Variants in HAVCR2 observed in about 807,000 individuals in gnomAD.
The protein encoded by HAVCR2 is T cell immunoglobulin mucin 3.
A neutral mutation model predicts 24.7 loss-of-function variants in HAVCR2; 13 were observed. That is an observed-to-expected ratio of 0.53 (90% CI 0.34 to 0.84). HAVCR2 has a LOEUF of 0.84. HAVCR2 is among the 40% of genes least tolerant of loss of function. The pLI, the probability that HAVCR2 is intolerant of heterozygous loss-of-function variation, is 0.01. For missense variants in HAVCR2, 343 were observed against 371.2 expected (o/e 0.92, Z 0.62); for synonymous variants, 154 against 143.4 (o/e 1.07, Z -0.53).
chr5:157,094,975 G>A (rs1757072921), intron 5 of HAVCR2, among the ~76,000 whole-genome samples: 2 of 152,134 alleles, frequency 1.3e-5, no homozygotes, highest in Non-Finnish European at 2.9e-5. Flanking sequence ...TTTGATTTCC[G>A]GTTCTGCCAG....
chr5:157,099,990 C>T (rs976517806), intron 3 of HAVCR2, among the ~76,000 whole-genome samples: 3 of 152,218 alleles, frequency 2.0e-5, no homozygotes, highest in Admixed American at 6.6e-5. Flanking sequence ...GCCACCGTGC[C>T]GTGCCCAGCC....
chr5:157,102,661 G>A (rs1236279221), intron 3 of HAVCR2, among the ~76,000 whole-genome samples: 4 of 152,110 alleles, frequency 2.6e-5, no homozygotes, highest in East Asian at 1.9e-4. Flanking sequence ...AAGGCTGGGC[G>A]TGGTGGCTTA....
intron 3 of HAVCR2, among the ~76,000 whole-genome samples, chr5:157,104,199 A>C (rs2113694151): frequency 6.6e-6 from 1 of 152,320 alleles, no homozygotes; most frequent in African/African-American, 2.4e-5. Flanking sequence ...GCTGAATTAC[A>C]TGAAGAATTT....
chr5:157,087,134 G>A lies in HAVCR2; in HGVS notation c.874C>T (p.Gln292Ter). ...ATTGCAAAGCGACAACCCAAAGGTT[G>A]TGAGGGTTGCTGCCTGCTGCTGACA... ...CYVSSRQQPS[Q>*]PLGCRFAMP The change falls in exon 7 of 7, where the codon CAA becomes TAA. Residue 292 changes from glutamine to a stop codon, truncating the protein, a stop_gained. Transcript: ENST00000307851. LOFTEE classifies it low-confidence loss of function (END_TRUNC). 1 of 1,614,008 alleles carries A rather than the reference G, an allele frequency of 6.2e-7. No homozygotes were observed. Among genetic ancestry groups the A allele is most frequent in the Non-Finnish European group, 8.5e-7 (1 of 1,179,990 alleles).
chr5:157,093,093 A>G (rs113197050), intron 5 of HAVCR2, among the ~76,000 whole-genome samples: 9,455 of 125,650 alleles, frequency 0.075, 448 homozygotes, highest in Admixed American at 0.17. Flanking sequence ...ATATATATAT[A>G]TGTGTATACA....
chr5:157,098,747 A>C, intron 4 of HAVCR2, 111 bp downstream of exon 4: 1 of 911,250 alleles, frequency 1.1e-6, no homozygotes, highest in Non-Finnish European at 1.7e-6. Context: ...TCTGAAGCTA[A>C]GGGAACTTAA....
intron 2 of HAVCR2, chr5:157,104,991 C>T (rs573755750): frequency 2.9e-4 from 73 of 255,908 alleles, no homozygotes; most frequent in African/African-American, 1.6e-3. Flanking sequence ...CTAACAGCCA[C>T]ACAAATGGCC....
chr5:157,086,814 C>A lies in HAVCR2; in HGVS notation c.*288G>T. Reference sequence around the variant, plus strand: ...CCCGAATTTCCTGGAGCTCCAGAGACCCCACGTCAAGAATTCCTAGTGTAT... The same window carrying A: ...CCCGAATTTCCTGGAGCTCCAGAGAACCCACGTCAAGAATTCCTAGTGTAT... On this transcript the variant is annotated 3_prime_UTR_variant, in exon 7 of 7. Coordinates refer to ENST00000307851, the MANE Select transcript of HAVCR2 (RefSeq NM_032782.5). 6.3e-6 allele frequency: 2 copies of A among 315,924 alleles called. No individual in the cohort carries two copies. Among genetic ancestry groups the A allele is most frequent in the East Asian group, 1.4e-4 (2 of 14,702 alleles). The allele number at this position is 315,924 out of a possible 1,614,324, so 19.6% of individuals were successfully genotyped here.
In HAVCR2 at chr5:157,095,295, A is replaced by G. The variant is rs747792545; in HGVS notation, c.676+11T>C. 3.1e-6 allele frequency: 5 copies of G among 1,612,350 alleles called. No individual in the cohort carries two copies. The Admixed American group carries it at 5.0e-5, about 16-fold the overall frequency. ...TTGTTATCAGAGGGAGAGAGAAACA[A>G]AAACACTTACATTTGAAAATTAAAG... is the stretch of plus-strand genomic sequence containing the variant. On this transcript the variant is annotated intron_variant, in intron 5 of 6. Transcript: ENST00000307851.
At chr5:157,087,702 G>A (rs992325104) in intron 6 of HAVCR2, among the ~76,000 whole-genome samples, 8 of 151,760 alleles carry the variant, frequency 5.3e-5, no homozygotes, top group Admixed American at 2.0e-4. Flanking sequence ...TCAGGAGTTC[G>A]AGACCAGCCT....
At chr5:157,097,067 T>C (rs1455580435) in intron 4 of HAVCR2, among the ~76,000 whole-genome samples, 2 of 152,006 alleles carry the variant, frequency 1.3e-5, no homozygotes, top group African/African-American at 4.8e-5. Context: ...ACTCCTGCAA[T>C]AACAGGAGTC....
intron 3 of HAVCR2, among the ~76,000 whole-genome samples, chr5:157,104,085 G>C (rs1241229318): frequency 6.6e-6 from 1 of 152,142 alleles, no homozygotes; most frequent in African/African-American, 2.4e-5. Context: ...GAAGAGACCA[G>C]GACACTGACA....
rs767440273 is a variant in HAVCR2 at position 157,106,937 on chromosome 5, C to T, written c.84G>A (p.Ala28=). Residue 28 remains alanine, a synonymous_variant, in exon 2 of 7, where the codon GCG becomes GCA. Coordinates refer to ENST00000307851, the MANE Select transcript of HAVCR2 (RefSeq NM_032782.5). ...LTRSSEVEYR[A]EVGQNAYLPC... is the part of the protein sequence containing the mutation. ...GCAGATAGGCATTCTGACCGACCTC[C>T]GCTCTGTATTCCACTTCTGAGGACC... 30 of 1,613,868 alleles carry T rather than the reference C, an allele frequency of 1.9e-5. No homozygotes were observed. Among genetic ancestry groups the T allele is most frequent in the East Asian group, 8.9e-5 (4 of 44,886 alleles).
At chr5:157,094,489 T>C (rs991595058) in intron 5 of HAVCR2, among the ~76,000 whole-genome samples, 1 of 152,036 alleles carries the variant, frequency 6.6e-6, no homozygotes, top group African/African-American at 2.4e-5. Context: ...GTTTGAGTGA[T>C]TCCTCTGCCT....
chr5:157,097,917 G>A (rs1041800235), intron 4 of HAVCR2, among the ~76,000 whole-genome samples: 4 of 152,054 alleles, frequency 2.6e-5, no homozygotes, highest in African/African-American at 9.6e-5. Flanking sequence ...CTTTTATTCT[G>A]AGAAGGTAGC....
In HAVCR2 at chr5:157,086,845, A is replaced by G; in HGVS notation, c.*257T>C. The G allele has an allele frequency of 2.4e-6, 1 of 418,918 alleles. No individual in the cohort carries two copies. Among genetic ancestry groups the G allele is most frequent in the Non-Finnish European group, 4.2e-6 (1 of 237,466 alleles). 26.0% of individuals were successfully genotyped at this position (418,918 alleles called of 1,614,324 possible). On this transcript the variant is annotated 3_prime_UTR_variant, in exon 7 of 7. Coordinates refer to ENST00000307851, the MANE Select transcript of HAVCR2 (RefSeq NM_032782.5). ...GTCAAGAATTCCTAGTGTATATAAA[A>G]GCCCGTTTGAGCTCTAACATCCATG... is the stretch of plus-strand genomic sequence containing the variant.
At chr5:157,087,902 C>CAAA (rs753842431) in intron 6 of HAVCR2, among the ~76,000 whole-genome samples, 3,267 of 88,674 alleles carry the variant, frequency 0.037, 146 homozygotes, top group African/African-American at 0.13. Context: ...GACTCCGTCT[C>CAAA]AAAAAAAAAA....
chr5:157,096,730 T>A (rs1757099051), intron 4 of HAVCR2, among the ~76,000 whole-genome samples: 1 of 152,036 alleles, frequency 6.6e-6, no homozygotes, highest in Non-Finnish European at 1.5e-5. Flanking sequence ...TGAGCCAAGG[T>A]TGTGCCATTG....
At position 157,095,359 on chromosome 5, in the gene HAVCR2, C is replaced by G. The variant is rs140201248; in HGVS notation, c.623G>C (p.Gly208Ala). Residue 208 changes from glycine (G) to alanine (A), a missense_variant, in exon 5 of 7, where the codon GGG becomes GCG. Transcript: ENST00000307851. ...AGCCAGAGCCAGCCCAGCACAGATCCCTGCTCCGATGTAGATGCCTATTCT... is the reference window on the plus strand; with the variant it reads ...AGCCAGAGCCAGCCCAGCACAGATCGCTGCTCCGATGTAGATGCCTATTCT... Reference protein sequence around the residue: ...TIRIGIYIGAGICAGLALALI... With the variant: ...TIRIGIYIGAAICAGLALALI... The G allele has an allele frequency of 2.0e-4, 329 of 1,614,062 alleles. 2 individuals are homozygous for G. In the African/African-American group the frequency reaches 4.0e-3, roughly 20 times the overall value.
Sources: allele counts gnomAD v4.1 joint callset (sites outside exome capture counted in the v4.1 genomes callset), GRCh38; gene constraint gnomAD v4.1.1; transcripts MANE v1.5; gene names NCBI Gene and HGNC (gene_info 2026-07-23, HGNC 2026-07-21).